The following USP34 variants were observed in gnomAD, a reference collection of about 807,000 sequenced individuals.
USP34 encodes ubiquitin carboxyl-terminal hydrolase 34.
Under a neutral mutation model 460.3 loss-of-function variants are expected in USP34, and 70 were observed. The ratio of observed to expected loss-of-function variants is 0.15; its 90% CI spans 0.13 to 0.19. The LOEUF (loss-of-function observed/expected upper bound fraction) is 0.19, where lower values mean the gene tolerates loss of function less well. USP34 is among the 10% of genes least tolerant of loss of function. The pLI is 1.00. For missense variants in USP34, 3,985 were observed against 4,236.2 expected (o/e 0.94, Z 1.65); for synonymous variants, 1,647 against 1,405.3 (o/e 1.17, Z -3.85).
chr2:61,360,988 G>T (rs890674054), intron 10 of USP34, among the ~76,000 whole-genome samples: 1 of 152,104 alleles, frequency 6.6e-6, no homozygotes, highest in Non-Finnish European at 1.5e-5. Context: ...TACAAAAATA[G>T]AAAAAACAGC....
At chr2:61,448,280 A>G (rs1695176137) in intron 1 of USP34, among the ~76,000 whole-genome samples, 1 of 152,160 alleles carries the variant, frequency 6.6e-6, no homozygotes, top group Non-Finnish European at 1.5e-5. Flanking sequence ...TCAAGACCAG[A>G]CTGGGCAACA....
intron 1 of USP34, among the ~76,000 whole-genome samples, chr2:61,424,869 C>T (rs931156765): frequency 9.2e-5 from 14 of 151,946 alleles, no homozygotes; most frequent in African/African-American, 2.7e-4. Context: ...TCACTCTGTC[C>T]GCCAGGGTAG....
In USP34 at chr2:61,339,639, G is replaced by T; in HGVS notation, c.2543C>A (p.Thr848Lys). ...HKHQFNSNAV[T>K]DINLDNVCKK... is the part of the protein sequence containing the mutation. Reference sequence around the variant, plus strand: ...GCAAACATTATCCAAATTAATGTCTGTAACAGCATTACTGTTGAATTGATG... The same window carrying T: ...GCAAACATTATCCAAATTAATGTCTTTAACAGCATTACTGTTGAATTGATG... The change falls in exon 17 of 80, where the codon ACA becomes AAA. Residue 848 changes from threonine (T) to lysine (K), a missense_variant. Thr to Lys is a moderately conservative substitution (Grantham distance 78). Transcript: ENST00000398571. 6.4e-7 allele frequency: 1 copy of T among 1,565,204 alleles called. No individual in the cohort carries two copies. Among genetic ancestry groups the T allele is most frequent in the South Asian group, 1.2e-5 (1 of 80,850 alleles).
At chr2:61,238,498 C>A (rs367914078) in intron 53 of USP34, among the ~76,000 whole-genome samples, 6 of 152,230 alleles carry the variant, frequency 3.9e-5, no homozygotes, top group African/African-American at 1.4e-4. Flanking sequence ...CTGTAAGAAT[C>A]ATTACAATTT....
rs1325931072 is a variant in USP34 at position 61,283,192 on chromosome 2, C to T, written c.4951G>A (p.Asp1651Asn). Residue 1651 changes from aspartate (D) to asparagine (N), a missense_variant, in exon 37 of 80, where the codon GAT becomes AAT. Asp to Asn is a conservative substitution (Grantham distance 23). This residue lies in a region of USP34 where 1,114 missense variants were observed against 1,122.5 expected (regional missense o/e 0.99). Transcript: ENST00000398571. ...SLVKSSLADS[D>N]HLQDWLKKLT... is the part of the protein sequence containing the mutation. Reference sequence around the variant, plus strand: ...TTCTTTAGCCAATCTTGTAAATGATCGCTATCAGCAAGGCTAGATTTCACT... The same window carrying T: ...TTCTTTAGCCAATCTTGTAAATGATTGCTATCAGCAAGGCTAGATTTCACT... The T allele has an allele frequency of 8.7e-6, 14 of 1,613,306 alleles. No individual in the cohort carries two copies. The highest frequency in any genetic ancestry group is 1.1e-5 in the South Asian group (1 of 91,026).
In USP34 at chr2:61,214,333, T is replaced by C. The variant is rs745723120; in HGVS notation, c.8409A>G (p.Ser2803=). Residue 2803 remains serine (S), a synonymous_variant, in exon 68 of 80, where the codon TCA becomes TCG. Coordinates refer to ENST00000398571, the MANE Select transcript of USP34 (RefSeq NM_014709.4). ...AGTCAGCACAGACATTGTACCAAAA[T>C]GAAAGCAAAGCCTGTTTATTGTGAT... ...ATNHNKQALL[S]FWYNVCADCP... 1.2e-6 allele frequency: 2 copies of C among 1,614,248 alleles called. No homozygotes were observed. Among genetic ancestry groups the C allele is most frequent in the East Asian group, 2.2e-5 (1 of 44,888 alleles).
At chr2:61,294,360 T>TAC (rs1376123823) in intron 32 of USP34, among the ~76,000 whole-genome samples, 1 of 129,724 alleles carries the variant, frequency 7.7e-6, no homozygotes, top group East Asian at 2.2e-4. Flanking sequence ...AAAAAAAATT[T>TAC]ATACACACAC....
intron 20 of USP34, among the ~76,000 whole-genome samples, chr2:61,325,948 A>G (rs1558531037): frequency 6.6e-6 from 1 of 152,318 alleles, no homozygotes; most frequent in East Asian, 1.9e-4. Context: ...GTTATTTCCA[A>G]TCTAAATAAT....
chr2:61,346,831 CAAAAAAAAAAAA>C (rs776311612), intron 15 of USP34, among the ~76,000 whole-genome samples: 11 of 29,794 alleles, frequency 3.7e-4, no homozygotes, highest in East Asian at 3.3e-3. Context: ...GATTCCAACT[CAAAAAAAAAAAA>C]AAAAAAAAAA....
intron 51 of USP34, among the ~76,000 whole-genome samples, chr2:61,244,875 T>G (rs1688379397): frequency 6.6e-6 from 1 of 152,138 alleles, no homozygotes; most frequent in African/African-American, 2.4e-5. Flanking sequence ...TCAGATTAAG[T>G]CAGTAAACAG....
chr2:61,222,191 T>C lies in USP34; in HGVS notation c.7794+428A>G, dbSNP rs563591861. ...TTCCTATAGCAACCTGAGGGGTAATTTATAGTAATGTTTGACATCGATTGT... is the reference window on the plus strand; with the variant it reads ...TTCCTATAGCAACCTGAGGGGTAATCTATAGTAATGTTTGACATCGATTGT... On this transcript the variant is annotated intron_variant, in intron 65 of 79. Transcript: ENST00000398571. Among the ~76,000 whole-genome samples, 18 of 152,346 alleles carry C rather than the reference T, an allele frequency of 1.2e-4. No individual in the cohort carries two copies. In the East Asian group the frequency reaches 3.5e-3, roughly 29 times the overall value.
chr2:61,398,500 C>A (rs528185077), intron 3 of USP34, among the ~76,000 whole-genome samples: 1 of 111,554 alleles, frequency 9.0e-6, no homozygotes, highest in Non-Finnish European at 1.8e-5. Flanking sequence ...GGGAAGGAGG[C>A]GGAAGCAGGG....
intron 75 of USP34, among the ~76,000 whole-genome samples, chr2:61,202,232 T>A (rs1254955086): frequency 1.3e-5 from 2 of 152,110 alleles, no homozygotes; most frequent in Non-Finnish European, 2.9e-5. Flanking sequence ...ACCTTTTCCA[T>A]AGGAAGGAGA....
At chr2:61,339,513 T>A (rs1691522089) in intron 17 of USP34, 35 bp from the exon 18 acceptor site, 2 of 1,559,722 alleles carry the variant, frequency 1.3e-6, no homozygotes, top group Non-Finnish European at 1.7e-6. Context: ...CTATTTATCC[T>A]AATTGCATCT....
At position 61,211,840 on chromosome 2, in the gene USP34, G is replaced by C; in HGVS notation, c.8772C>G (p.Phe2924Leu). 6.2e-7 allele frequency: 1 copy of C among 1,608,986 alleles called. No individual in the cohort carries two copies. The highest frequency in any genetic ancestry group is 8.5e-7 in the Non-Finnish European group (1 of 1,178,364). The change falls in exon 69 of 80, where the codon TTC becomes TTG. Residue 2924 changes from phenylalanine to leucine, a missense_variant. By Grantham distance (22) the Phe-to-Leu change is conservative. This residue lies in a region of USP34 where 275 missense variants were observed against 292.7 expected (regional missense o/e 0.94). Coordinates refer to ENST00000398571, the MANE Select transcript of USP34 (RefSeq NM_014709.4). Reference sequence around the variant, plus strand: ...AGTAACAACTTATGGTTGTTTTCTTGAACTGTTTAATATCTTCTAATTCTT... The same window carrying C: ...AGTAACAACTTATGGTTGTTTTCTTCAACTGTTTAATATCTTCTAATTCTT... Reference protein sequence around the residue: ...REEELEDIKQFKKTTISCYLR... With the variant: ...REEELEDIKQLKKTTISCYLR...
chr2:61,387,209 A>C (rs2442032), intron 5 of USP34, among the ~76,000 whole-genome samples: 131,626 of 151,756 alleles, frequency 0.87, 57,299 homozygotes, highest in African/African-American at 0.92. Context: ...CCCTGTAATC[A>C]AAGCACTTTG....
chr2:61,441,563 T>TA (rs1018961003), intron 1 of USP34, among the ~76,000 whole-genome samples: 1 of 151,898 alleles, frequency 6.6e-6, no homozygotes, highest in Non-Finnish European at 1.5e-5. Flanking sequence ...TGTGTCCCTG[T>TA]AACTTCTGCT....
chr2:61,336,146 A>T (rs74874051), intron 18 of USP34, among the ~76,000 whole-genome samples: 1 of 145,392 alleles, frequency 6.9e-6, no homozygotes, highest in Non-Finnish European at 1.5e-5. Flanking sequence ...TGTCCGCACA[A>T]TTTTTTTTTT....
At chr2:61,365,256 TACACACACACACAC>T (rs34689463) in intron 10 of USP34, among the ~76,000 whole-genome samples, 76 of 142,444 alleles carry the variant, frequency 5.3e-4, no homozygotes, top group African/African-American at 1.5e-3. Context: ...CATTTCAAAA[TACACACACACACAC>T]ACACACACAC....
Sources: allele counts gnomAD v4.1 joint callset (sites outside exome capture counted in the v4.1 genomes callset), GRCh38; gene constraint gnomAD v4.1.1; regional missense constraint gnomAD v4.1.1; transcripts MANE v1.5; gene names NCBI Gene and HGNC (gene_info 2026-07-23, HGNC 2026-07-21).